The following ZFHX3 variants were observed in gnomAD, a reference collection of about 807,000 sequenced individuals.
ZFHX3 encodes the protein zinc finger homeobox protein 3.
ZFHX3 carries 42 observed loss-of-function variants against 279.1 expected under a neutral mutation model. That is an observed-to-expected ratio of 0.15 (90% CI 0.12 to 0.19). ZFHX3 has a LOEUF of 0.19. Among genes scored for constraint, ZFHX3 ranks in the 10% least tolerant of loss-of-function variants. The pLI, the probability that ZFHX3 is intolerant of heterozygous loss-of-function variation, is 1.00. For missense variants in ZFHX3, 4,981 were observed against 4,754.0 expected (o/e 1.05, Z -1.40); for synonymous variants, 2,293 against 1,957.8 (o/e 1.17, Z -4.52).
intron 1 of ZFHX3, among the ~76,000 whole-genome samples, chr16:72,994,775 C>T (rs1277149353): frequency 2.0e-5 from 3 of 152,320 alleles, no homozygotes; most frequent in East Asian, 1.9e-4. Context: ...TTCCTCCTGA[C>T]GGAACAATTA....
intron 5 of ZFHX3, among the ~76,000 whole-genome samples, chr16:73,231,783 T>G (rs1187794867): frequency 6.6e-6 from 1 of 152,208 alleles, no homozygotes; most frequent in Non-Finnish European, 1.5e-5. Flanking sequence ...TATTCTTTTC[T>G]CTCTGTGATT....
Position 72,977,469 on chromosome 16 carries a change from G to A in ZFHX3, c.-49-17275C>T, listed in dbSNP as rs925798232. On this transcript the variant is annotated intron_variant, in intron 1 of 9. Transcript: ENST00000268489. ...CAGAGAGGGGAGTCTTATTCTTAAA[G>A]GAGTTAGAATTGAAGCATAAAGTCT... Among the ~76,000 whole-genome samples the A allele has an allele frequency of 3.9e-5, 6 of 152,244 alleles. No individual in the cohort carries two copies. In the South Asian group the frequency reaches 6.2e-4, roughly 16 times the overall value.
intron 5 of ZFHX3, among the ~76,000 whole-genome samples, chr16:73,213,539 G>A (rs190351912): frequency 4.7e-4 from 71 of 151,810 alleles, no homozygotes; most frequent in Non-Finnish European, 9.3e-4. Context: ...AGAAAAACAC[G>A]TTAATAATCC....
intron 2 of ZFHX3, among the ~76,000 whole-genome samples, chr16:73,619,010 C>G (rs571916234): frequency 1.3e-5 from 2 of 152,104 alleles, no homozygotes; most frequent in Non-Finnish European, 2.9e-5. Context: ...TATTTTAAAT[C>G]AGGAACATCC....
At chr16:73,036,685 C>G (rs1307962782) in intron 1 of ZFHX3, among the ~76,000 whole-genome samples, 2 of 152,130 alleles carry the variant, frequency 1.3e-5, no homozygotes, top group African/African-American at 4.8e-5. Flanking sequence ...AACTGCCCCT[C>G]CCGGCGCTTT....
chr16:73,620,892 G>C (rs535655796), intron 2 of ZFHX3, among the ~76,000 whole-genome samples: 1 of 152,212 alleles, frequency 6.6e-6, no homozygotes, highest in Non-Finnish European at 1.5e-5. Flanking sequence ...TTGGGTGAGA[G>C]AAAAGGACCA....
chr16:73,055,322 C>G (rs1316897630), intron 1 of ZFHX3, among the ~76,000 whole-genome samples: 2 of 151,930 alleles, frequency 1.3e-5, no homozygotes, highest in East Asian at 3.9e-4. Context: ...TGCTGGGAGC[C>G]TATGTCTATG....
At chr16:73,667,191 C>A (rs1352273797) in intron 2 of ZFHX3, among the ~76,000 whole-genome samples, 1 of 152,038 alleles carries the variant, frequency 6.6e-6, no homozygotes, top group Non-Finnish European at 1.5e-5. Context: ...GGGATTTTGC[C>A]ATGTTGCCCA....
chr16:73,446,370 CCTT>C (rs2018185640), intron 3 of ZFHX3, among the ~76,000 whole-genome samples: 1 of 152,134 alleles, frequency 6.6e-6, no homozygotes, highest in Non-Finnish European at 1.5e-5. Flanking sequence ...AAAGAAACGT[CCTT>C]CTTCACATGG....
rs373194505 is a variant in ZFHX3, at chr16:73,675,709, T to C, written c.-1547+4471A>G. On this transcript the variant is annotated intron_variant, in intron 2 of 17. Transcript: ENST00000641206. ...AGTTCCATGTAACAGATAAAAAGAA[T>C]GACCATTATCAAGGCAAACTCATAC... Among the ~76,000 whole-genome samples, 45 of 152,200 alleles carry C rather than the reference T, an allele frequency of 3.0e-4. No homozygotes were observed. In the East Asian group the frequency reaches 5.4e-3, roughly 18 times the overall value.
At position 72,787,246 on chromosome 16, in the gene ZFHX3, C is replaced by A; in HGVS notation, c.11030G>T (p.Ser3677Ile). ...DLSQKSDGPA[S>I]PVEGPKDPSC... ...GGGGTCTTTGGGACCCTCCACCGGG[C>A]TCGCCGGTCCGTCGGACTTTTGGCT... is the stretch of plus-strand genomic sequence containing the variant. Residue 3677 changes from serine to isoleucine, a missense_variant, in exon 10 of 10, where the codon AGC (serine) becomes ATC (isoleucine). By Grantham distance (142) the Ser-to-Ile change is moderately radical (BLOSUM62 -2). This residue lies in a region of ZFHX3 where 1,034 missense variants were observed against 786.0 expected (regional missense o/e 1.32). Transcript: ENST00000268489. 6.2e-7 allele frequency: 1 copy of A among 1,614,112 alleles called. No individual in the cohort carries two copies.
intron 1 of ZFHX3, among the ~76,000 whole-genome samples, chr16:73,693,155 G>C (rs1259741050): frequency 1.3e-5 from 2 of 152,104 alleles, no homozygotes; most frequent in Non-Finnish European, 2.9e-5. Flanking sequence ...GAGAGCCCTT[G>C]GGCTTCATCA....
Position 72,950,511 on chromosome 16 carries a change from G to A in ZFHX3, c.3174C>T (p.His1058=), listed in dbSNP as rs1960934794. ...YTNSLEKLRL[H]TVNSRHEASL... ...TGGCCTCGTGCCTGGAGTTGACCGTGTGCAGCCGCAGCTTCTCCAGGCTGT... is the reference window on the plus strand; with the variant it reads ...TGGCCTCGTGCCTGGAGTTGACCGTATGCAGCCGCAGCTTCTCCAGGCTGT... The change falls in exon 3 of 10, where the codon CAC becomes CAT. Residue 1058 remains histidine, a synonymous_variant. Coordinates refer to ENST00000268489, the MANE Select transcript of ZFHX3 (RefSeq NM_006885.4). 6.2e-7 allele frequency: 1 copy of A among 1,614,124 alleles called. No homozygotes were observed. The highest frequency in any genetic ancestry group is 1.3e-5 in the African/African-American group (1 of 74,948).
chr16:73,035,237 G>C (rs1201079607), intron 1 of ZFHX3, among the ~76,000 whole-genome samples: 1 of 152,104 alleles, frequency 6.6e-6, no homozygotes, highest in Non-Finnish European at 1.5e-5. Flanking sequence ...TGGATATACT[G>C]GGCTAAATGT....
intron 1 of ZFHX3, among the ~76,000 whole-genome samples, chr16:73,841,368 C>T (rs558846612): frequency 6.6e-6 from 1 of 152,218 alleles, no homozygotes; most frequent in Non-Finnish European, 1.5e-5. Context: ...AGCAGGGGTT[C>T]AGTGAACCCA....
intron 1 of ZFHX3, among the ~76,000 whole-genome samples, chr16:73,034,152 A>T (rs1235407465): frequency 6.6e-6 from 1 of 151,194 alleles, no homozygotes; most frequent in Non-Finnish European, 1.5e-5. Flanking sequence ...TACACCCCTG[A>T]TTCTCATGGA....
intron 5 of ZFHX3, among the ~76,000 whole-genome samples, chr16:73,154,658 T>C (rs1429890814): frequency 6.6e-6 from 1 of 152,220 alleles, no homozygotes; most frequent in Non-Finnish European, 1.5e-5. Flanking sequence ...GGACTCTTGA[T>C]AGTTACTATG....
intron 1 of ZFHX3, among the ~76,000 whole-genome samples, chr16:73,054,341 G>A (rs1040696911): frequency 9.9e-5 from 15 of 151,776 alleles, no homozygotes; most frequent in Admixed American, 4.6e-4. Context: ...GCAGGCGAGC[G>A]CCACCAGCCC....
At chr16:73,680,001 T>C (rs2052993921) in intron 2 of ZFHX3, 1 of 152,168 alleles carries the variant, frequency 6.6e-6, no homozygotes. Flanking sequence ...ACATAGGCAT[T>C]TTGAAAGTAA....
Sources: gnomAD v4.1 joint callset for allele counts (sites outside exome capture counted in the v4.1 genomes callset) on GRCh38, gnomAD v4.1.1 for gene constraint, gnomAD v4.1.1 regional missense constraint, MANE v1.5 for transcripts, NCBI Gene and HGNC (gene_info 2026-07-23, HGNC 2026-07-21) for gene names.